ANO6: variants seen among roughly 807,000 people sequenced by gnomAD.
ANO6 encodes anoctamin 6.
ANO6 carries 106 observed loss-of-function variants against 117.5 expected under a neutral mutation model. The ratio of observed to expected loss-of-function variants is 0.90; its 90% confidence interval spans 0.77 to 1.06. The LOEUF is 1.06. ANO6 is among the 50% of genes least tolerant of loss of function. The pLI is 0.00. For missense variants in ANO6, 955 were observed against 1,121.1 expected, an observed-to-expected ratio of 0.85 and a Z score of 2.12; for synonymous variants, 367 against 385.1, an observed-to-expected ratio of 0.95 and a Z score of 0.55.
chr12:45,372,927 A>AAG (rs1941888355), intron 9 of ANO6, among the ~76,000 whole-genome samples: 1 of 152,228 alleles, frequency 6.6e-6, no homozygotes, highest in South Asian at 2.1e-4. Context: ...AAATTGGATA[A>AAG]AGAGTCAAGA....
At chr12:45,284,408 A>C (rs1938840984) in intron 1 of ANO6, among the ~76,000 whole-genome samples, 1 of 152,210 alleles carries the variant, frequency 6.6e-6, no homozygotes, top group African/African-American at 2.4e-5. Flanking sequence ...TCTGGCTTCT[A>C]AACTCATCTT....
chr12:45,333,619 A>G (rs564965621), intron 3 of ANO6, among the ~76,000 whole-genome samples: 4 of 152,132 alleles, frequency 2.6e-5, no homozygotes, highest in Non-Finnish European at 4.4e-5. Context: ...AATTTTGGCA[A>G]TCCTTGAACT....
At chr12:45,338,305 A>G (rs1315724320) in intron 3 of ANO6, among the ~76,000 whole-genome samples, 2 of 152,108 alleles carry the variant, frequency 1.3e-5, no homozygotes, top group East Asian at 1.9e-4. Context: ...TAGACTAAAA[A>G]TTGGCTTACC....
At chr12:45,251,089 CA>C (rs938729408) in intron 1 of ANO6, among the ~76,000 whole-genome samples, 6 of 151,534 alleles carry the variant, frequency 4.0e-5, no homozygotes, top group African/African-American at 1.5e-4. Flanking sequence ...AAAAAACCCA[CA>C]AAAAAACCCA....
chr12:45,221,877 CTTTTTT>C lies in ANO6; in HGVS notation c.70+5501_70+5506del, dbSNP rs71093866. On this transcript the variant is annotated intron_variant, in intron 1 of 19. Transcript: ENST00000320560. ...TCAGACCATTCTCCCTCCCCGACTC[CTTTTTT>C]TTTTTTTTTTTTTTGGGAGACGTTG... 2.4e-5 allele frequency among the ~76,000 whole-genome samples: 3 copies of C among 124,778 alleles called. No homozygotes were observed. The East Asian group carries it at 7.2e-4, about 30-fold the overall frequency. The allele number at this position is 124,778 out of a possible 152,430, so 81.9% of individuals were successfully genotyped here. A position where few individuals can be genotyped will look rare whatever the true frequency, so the allele number is the denominator to read the frequency against.
chr12:45,346,882 A>G, intron 3 of ANO6, 140 bp from the exon 4 acceptor site: 2 of 742,168 alleles, frequency 2.7e-6, no homozygotes, highest in Non-Finnish European at 4.7e-6. Context: ...CTTCTATTCC[A>G]TTTGCTTGAC....
chr12:45,239,613 T>G (rs1180567458), intron 1 of ANO6, among the ~76,000 whole-genome samples: 1 of 152,186 alleles, frequency 6.6e-6, no homozygotes, highest in Non-Finnish European at 1.5e-5. Flanking sequence ...TGCTCTTGCT[T>G]CTCTAGTTCT....
chr12:45,237,707 G>T (rs1947668305), intron 1 of ANO6, among the ~76,000 whole-genome samples: 1 of 152,166 alleles, frequency 6.6e-6, no homozygotes. Context: ...GGCAATGTGG[G>T]CCTTTTTTTG....
intron 1 of ANO6, among the ~76,000 whole-genome samples, chr12:45,259,408 A>G (rs560212925): frequency 2.0e-5 from 3 of 152,230 alleles, no homozygotes; most frequent in Non-Finnish European, 4.4e-5. Flanking sequence ...GGATTTCATG[A>G]ACTATAAAAG....
chr12:45,264,114 C>T (rs948750734), intron 1 of ANO6, among the ~76,000 whole-genome samples: 21 of 152,252 alleles, frequency 1.4e-4, no homozygotes, highest in African/African-American at 3.6e-4. Flanking sequence ...GGGGTTATAG[C>T]TCATATCTCT....
chr12:45,294,840 G>T (rs1298259337), intron 1 of ANO6, among the ~76,000 whole-genome samples: 1 of 152,212 alleles, frequency 6.6e-6, no homozygotes, highest in African/African-American at 2.4e-5. Context: ...GACAGGGATT[G>T]TCAAGATAGA....
At chr12:45,363,778 G>A (rs1048454863) in intron 8 of ANO6, among the ~76,000 whole-genome samples, 1 of 152,070 alleles carries the variant, frequency 6.6e-6, no homozygotes, top group Admixed American at 6.5e-5. Flanking sequence ...AAGATCTGAT[G>A]GTTTTATAAG....
At chr12:45,323,862 T>A (rs1437898067) in intron 2 of ANO6, among the ~76,000 whole-genome samples, 1 of 151,848 alleles carries the variant, frequency 6.6e-6, no homozygotes, top group Admixed American at 6.6e-5. Context: ...TTGTAAGGTT[T>A]TTTTTTTATT....
chr12:45,407,998 T>C (rs1195047909), intron 15 of ANO6, among the ~76,000 whole-genome samples: 4 of 152,044 alleles, frequency 2.6e-5, no homozygotes, highest in Non-Finnish European at 5.9e-5. Flanking sequence ...TCTCCTGTAG[T>C]AGAGATAATT....
At chr12:45,231,380 C>T (rs574170258) in intron 1 of ANO6, among the ~76,000 whole-genome samples, 2 of 152,132 alleles carry the variant, frequency 1.3e-5, no homozygotes, top group South Asian at 4.1e-4. Flanking sequence ...AGTGACTCAA[C>T]CTATAACCAA....
intron 1 of ANO6, among the ~76,000 whole-genome samples, chr12:45,297,967 G>A (rs905079832): frequency 2.6e-5 from 4 of 152,080 alleles, no homozygotes; most frequent in Non-Finnish European, 5.9e-5. Flanking sequence ...AACCTTGTCT[G>A]GTTCTTCTTG....
At position 45,350,767 on chromosome 12, in the gene ANO6, C is replaced by G; in HGVS notation, c.856C>G (p.Leu286Val). The G allele has an allele frequency of 6.2e-7, 1 of 1,613,002 alleles. No homozygotes were observed. Among genetic ancestry groups the G allele is most frequent in the Non-Finnish European group, 8.5e-7 (1 of 1,179,426 alleles). ...CATATACAAAAAGCAGCCCTTGGAT[C>G]TTATCAGGTGAGGGGTTGTAGGGAG... is the stretch of plus-strand genomic sequence containing the variant. ...RSIYKKQPLD[L>V]IRKYYGEKIG... Residue 286 changes from leucine (L) to valine (V), a missense_variant, in exon 7 of 20, where the codon CTT becomes GTT. Physicochemically the swap from Leu to Val is conservative, Grantham distance 32. Transcript: ENST00000320560.
At chr12:45,222,189 C>T (rs1458634648) in intron 1 of ANO6, among the ~76,000 whole-genome samples, 1 of 151,566 alleles carries the variant, frequency 6.6e-6, no homozygotes, top group Non-Finnish European at 1.5e-5. Flanking sequence ...CCCCCCCACT[C>T]CAGCTCTGTT....
chr12:45,218,421 G>T (rs904559386), intron 1 of ANO6, among the ~76,000 whole-genome samples: 21 of 137,222 alleles, frequency 1.5e-4, no homozygotes, highest in African/African-American at 5.7e-4. Context: ...TTGAGATAGG[G>T]TCTCGCTCTG....
Sources: allele counts gnomAD v4.1 joint callset (sites outside exome capture counted in the v4.1 genomes callset), GRCh38; gene constraint gnomAD v4.1.1; transcripts MANE v1.5; gene names NCBI Gene and HGNC (gene_info 2026-07-23, HGNC 2026-07-21).